Variants in FBXW7 observed in about 807,000 individuals in gnomAD.
The protein encoded by FBXW7 is F-box/WD repeat-containing protein 7.
In FBXW7, 11 loss-of-function variants were observed where a neutral mutation model predicts 86.3. That is an observed-to-expected ratio of 0.13 (90% CI 0.08 to 0.21). The LOEUF (loss-of-function observed/expected upper bound fraction) is 0.21, where lower values mean the gene tolerates loss of function less well. FBXW7 is among the 10% of genes least tolerant of loss of function. FBXW7 has a pLI of 1.00. For missense variants in FBXW7, 488 were observed against 847.4 expected (o/e 0.58, Z 5.27); for synonymous variants, 313 against 297.9 (o/e 1.05, Z -0.52).
At chr4:152,403,778 T>C (rs1433619485) in intron 4 of FBXW7, among the ~76,000 whole-genome samples, 1 of 152,190 alleles carries the variant, frequency 6.6e-6, no homozygotes, top group African/African-American at 2.4e-5. Flanking sequence ...GCCCGCCTCC[T>C]GCTGTGAGGC....
At position 152,322,380 on chromosome 4, in the gene FBXW7, A is replaced by G. The variant is rs1023051727; in HGVS notation, c.*501T>C. ...AACTGTACAAAAACAATTCACAGTA[A>G]TTTTTTTAAGCTTTTCCACTCCAGA... On this transcript the variant is annotated 3_prime_UTR_variant, in exon 14 of 14. Transcript: ENST00000281708. The G allele has an allele frequency of 2.6e-5, 6 of 234,086 alleles. No individual in the cohort carries two copies. The highest frequency in any genetic ancestry group is 1.7e-5 in the Non-Finnish European group (2 of 118,680). The allele number at this position is 234,086 out of a possible 1,614,324, so 14.5% of individuals were successfully genotyped here.
At chr4:152,331,487 T>G (rs1490099473) in intron 8 of FBXW7, among the ~76,000 whole-genome samples, 1 of 152,064 alleles carries the variant, frequency 6.6e-6, no homozygotes, top group African/African-American at 2.4e-5. Flanking sequence ...TATTGTATGA[T>G]TTCACTTATA....
intron 2 of FBXW7, among the ~76,000 whole-genome samples, chr4:152,489,702 T>C (rs926358389): frequency 1.3e-5 from 2 of 152,088 alleles, no homozygotes; most frequent in Non-Finnish European, 1.5e-5. Flanking sequence ...AAAATTAATC[T>C]TAAAATTTAG....
At chr4:152,363,602 C>A (rs1482119833) in intron 4 of FBXW7, among the ~76,000 whole-genome samples, 2 of 152,106 alleles carry the variant, frequency 1.3e-5, no homozygotes, top group African/African-American at 4.8e-5. Context: ...TTTCAGTGCC[C>A]ACTATCAAAG....
chr4:152,513,006 C>A (rs960064866), intron 2 of FBXW7, among the ~76,000 whole-genome samples: 1 of 152,094 alleles, frequency 6.6e-6, no homozygotes, highest in African/African-American at 2.4e-5. Context: ...GGACTACAGG[C>A]GCACACCACC....
At chr4:152,510,906 A>G (rs75985446) in intron 2 of FBXW7, among the ~76,000 whole-genome samples, 2,090 of 152,232 alleles carry the variant, frequency 0.014, 26 homozygotes, top group Middle Eastern at 0.037. Context: ...CAAATAATCC[A>G]TCTTCTCCCC....
rs1278727731 is a variant in FBXW7 at position 152,535,364 on chromosome 4, G to A, written c.-450C>T. 2 of 374,848 alleles carry A rather than the reference G, an allele frequency of 5.3e-6. No individual in the cohort carries two copies. Among genetic ancestry groups the A allele is most frequent in the Non-Finnish European group, 9.5e-6 (2 of 211,162 alleles). The allele number at this position is 374,848 out of a possible 1,614,324, so 23.2% of individuals were successfully genotyped here. On this transcript the variant is annotated 5_prime_UTR_variant, in exon 1 of 14. Coordinates refer to ENST00000281708, the MANE Select transcript of FBXW7 (RefSeq NM_001349798.2). ...GTCCAGCCAAGGAGCCGGGGGGCCG[G>A]CGACTGGCCAAGGGAGAAGACCCCC...
chr4:152,531,956 T>C (rs1055425896), intron 2 of FBXW7, among the ~76,000 whole-genome samples: 6 of 152,120 alleles, frequency 3.9e-5, no homozygotes, highest in African/African-American at 1.4e-4. Flanking sequence ...TAAAGCCTGC[T>C]CATTCCTTTT....
chr4:152,326,314 AT>A, intron 11 of FBXW7, 83 bp from the exon 12 acceptor site: 1 of 906,266 alleles, frequency 1.1e-6, no homozygotes, highest in Non-Finnish European at 1.7e-6. Flanking sequence ...AACATGGTAG[AT>A]TTAGTCAAGG....
At chr4:152,470,608 T>C (rs1471068298) in intron 2 of FBXW7, among the ~76,000 whole-genome samples, 1 of 152,112 alleles carries the variant, frequency 6.6e-6, no homozygotes, top group East Asian at 1.9e-4. Flanking sequence ...GCAAATCAAT[T>C]TTACTATTTA....
chr4:152,534,314 T>G (rs1407283372), intron 2 of FBXW7, among the ~76,000 whole-genome samples: 1 of 151,692 alleles, frequency 6.6e-6, no homozygotes, highest in Non-Finnish European at 1.5e-5. Flanking sequence ...AAATGATTAA[T>G]GTGATAAATG....
At chr4:152,506,404 T>C (rs574340169) in intron 2 of FBXW7, among the ~76,000 whole-genome samples, 78 of 152,362 alleles carry the variant, frequency 5.1e-4, no homozygotes, top group Non-Finnish European at 9.0e-4. Flanking sequence ...GTGTTGGGAT[T>C]ATAGGCGTGA....
intron 6 of FBXW7, among the ~76,000 whole-genome samples, chr4:152,339,720 A>T (rs1315452826): frequency 6.6e-6 from 1 of 152,056 alleles, no homozygotes; most frequent in Non-Finnish European, 1.5e-5. Context: ...AGGCAAGAGG[A>T]TCACTGGAGC....
At chr4:152,457,681 G>A (rs141046580) in intron 2 of FBXW7, among the ~76,000 whole-genome samples, 54 of 149,228 alleles carry the variant, frequency 3.6e-4, no homozygotes, top group African/African-American at 1.3e-3. Flanking sequence ...CAATAAAACT[G>A]GATTTTTTTT....
intron 2 of FBXW7, among the ~76,000 whole-genome samples, chr4:152,509,418 G>A (rs72721632): frequency 6.6e-6 from 1 of 152,238 alleles, no homozygotes; most frequent in Non-Finnish European, 1.5e-5. Flanking sequence ...GGCAAGTCAG[G>A]ATACAGTCTC....
At chr4:152,347,463 G>A (rs976429080) in intron 5 of FBXW7, among the ~76,000 whole-genome samples, 1 of 152,050 alleles carries the variant, frequency 6.6e-6, no homozygotes, top group Non-Finnish European at 1.5e-5. Context: ...TTATAAAAAG[G>A]GTTGTGATAC....
At chr4:152,400,485 G>A (rs190035980) in intron 4 of FBXW7, among the ~76,000 whole-genome samples, 54 of 151,904 alleles carry the variant, frequency 3.6e-4, no homozygotes, top group African/African-American at 1.3e-3. Context: ...AAGATCACAG[G>A]AACGCACCAC....
chr4:152,410,050 A>G (rs1737794095), intron 4 of FBXW7, among the ~76,000 whole-genome samples: 2 of 152,216 alleles, frequency 1.3e-5, no homozygotes, highest in Admixed American at 1.3e-4. Context: ...TCCTTTTGGA[A>G]AAAGATAATG....
At chr4:152,491,343 T>C (rs983936818) in intron 2 of FBXW7, among the ~76,000 whole-genome samples, 4 of 152,142 alleles carry the variant, frequency 2.6e-5, no homozygotes, top group African/African-American at 9.7e-5. Flanking sequence ...ATTCTAGACA[T>C]TAAAACAGCA....
Sources: allele counts gnomAD v4.1 joint callset (sites outside exome capture counted in the v4.1 genomes callset), GRCh38; gene constraint gnomAD v4.1.1; transcripts MANE v1.5; gene names NCBI Gene and HGNC (gene_info 2026-07-23, HGNC 2026-07-21).